Variants in HUWE1 observed in about 807,000 individuals in gnomAD.
HUWE1 encodes the protein HECT, UBA and WWE domain containing E3 ubiquitin protein ligase 1.
A neutral mutation model predicts 299.4 loss-of-function variants in HUWE1; 18 were observed. The ratio of observed to expected loss-of-function variants is 0.06; its 90% confidence interval spans 0.04 to 0.09. The LOEUF (loss-of-function observed/expected upper bound fraction) is 0.09, where lower values mean the gene tolerates loss of function less well. Ranked by LOEUF, HUWE1 falls within the 10% of genes least tolerant of loss-of-function variation. The pLI is 1.00. For synonymous variants in HUWE1, 1,317 were observed against 1,286.1 expected (o/e 1.02, Z -0.51); for missense variants, 1,832 against 3,462.3 (o/e 0.53, Z 11.82).
Position 53,538,328 on chromosome X carries a change from G to A in HUWE1, c.11996+9C>T, listed in dbSNP as rs782772316. The A allele has an allele frequency of 2.5e-5, 29 of 1,140,625 alleles. No individual in the cohort carries two copies. The highest frequency in any genetic ancestry group is 1.5e-4 in the Admixed American group (7 of 45,889). 94.0% of individuals were successfully genotyped at this position (1,140,625 alleles called of 1,213,427 possible). The stretch of plus-strand genomic sequence containing the variant: ...CACCCCTCTACCCCCCAATATCCAG[G>A]ACACATACTTGCGCTTGACATCAAA... On this transcript the variant is annotated intron_variant, in intron 77 of 83. Transcript: ENST00000262854.
chrX:53,664,542 T>C (rs2069156607), intron 3 of HUWE1, among the ~76,000 whole-genome samples: 1 of 111,913 alleles, frequency 8.9e-6, no homozygotes, highest in South Asian at 3.7e-4. Context: ...GTAAGAGATG[T>C]TGCACGTAAG....
At chrX:53,557,234 G>T (rs782819170) in intron 60 of HUWE1, 148 bp downstream of exon 60, 51 of 576,393 alleles carry the variant, frequency 8.8e-5, no homozygotes, top group Non-Finnish European at 1.6e-4. Context: ...CCAAGATGGG[G>T]TATGACCCTA....
At chrX:53,559,242 G>T in intron 57 of HUWE1, 112 bp downstream of exon 57, 1 of 902,178 alleles carries the variant, frequency 1.1e-6, no homozygotes, top group Non-Finnish European at 1.6e-6. Flanking sequence ...GAGTGGTTCT[G>T]GCTCCTATAA....
chrX:53,620,113 C>T (rs1448756870), intron 19 of HUWE1, among the ~76,000 whole-genome samples: 3 of 111,641 alleles, frequency 2.7e-5, no homozygotes, highest in African/African-American at 9.8e-5. Context: ...CAACTACTGC[C>T]AACACCACCA....
At chrX:53,601,522 CT>C (rs1246563224) in intron 28 of HUWE1, among the ~76,000 whole-genome samples, 2 of 110,069 alleles carry the variant, frequency 1.8e-5, no homozygotes, top group Non-Finnish European at 3.8e-5. Flanking sequence ...TCATTGCTTT[CT>C]TAATAGTTTA....
Position 53,543,849 on chromosome X carries a change from C to A in HUWE1, c.11371G>T (p.Ala3791Ser). 2 of 1,211,473 alleles carry A rather than the reference C, an allele frequency of 1.7e-6. No homozygotes were observed. Among genetic ancestry groups the A allele is most frequent in the Non-Finnish European group, 2.2e-6 (2 of 895,225 alleles). The change falls in exon 73 of 84, where the codon GCA becomes TCA. Residue 3791 changes from alanine to serine, a missense_variant. Coordinates refer to ENST00000262854, the MANE Select transcript of HUWE1 (RefSeq NM_031407.7). ...ACAGGCATCATGCTAACCGTTGCTG[C>A]TTGTTGCTGTCTCCGCGCCCTTTGA... is the stretch of plus-strand genomic sequence containing the variant. ...EGQRARRQQQ[A>S]ATSESSQSEA...
At chrX:53,564,953 C>T (rs2062456457) in intron 50 of HUWE1, 114 bp downstream of exon 50, 4 of 894,641 alleles carry the variant, frequency 4.5e-6, no homozygotes, top group Non-Finnish European at 6.5e-6. Flanking sequence ...TATGACAGAT[C>T]TCTGGAAGGC....
intron 3 of HUWE1, among the ~76,000 whole-genome samples, chrX:53,677,364 A>AG (rs1230828340): frequency 9.0e-6 from 1 of 110,556 alleles, no homozygotes; most frequent in Non-Finnish European, 1.9e-5. Flanking sequence ...AAATTTCTTC[A>AG]GAACTCTATA....
At chrX:53,653,954 T>G in intron 4 of HUWE1, 109 bp downstream of exon 4, 1 of 552,777 alleles carries the variant, frequency 1.8e-6, no homozygotes, top group Non-Finnish European at 3.0e-6. Flanking sequence ...TTTACTGCCT[T>G]TTGTATATAT....
At chrX:53,541,012 T>G (rs2061321636) in intron 74 of HUWE1, among the ~76,000 whole-genome samples, 1 of 111,436 alleles carries the variant, frequency 9.0e-6, no homozygotes, top group Non-Finnish European at 1.9e-5. Flanking sequence ...ATAATATCTA[T>G]CTCCCCAAAT....
chrX:53,667,671 TAAGA>T (rs782270769), intron 3 of HUWE1, among the ~76,000 whole-genome samples: 1 of 112,084 alleles, frequency 8.9e-6, no homozygotes, highest in East Asian at 2.8e-4. Flanking sequence ...ACGCCTGTAC[TAAGA>T]AATACAAGAA....
At chrX:53,594,294 A>G (rs1247494306) in intron 31 of HUWE1, among the ~76,000 whole-genome samples, 1 of 111,412 alleles carries the variant, frequency 9.0e-6, no homozygotes, top group Non-Finnish European at 1.9e-5. Context: ...TACAAACACA[A>G]CTCTAGGGGA....
rs782600403 is a variant in HUWE1 at position 53,630,927 on chromosome X, T to G, written c.862+8A>C. The G allele has an allele frequency of 3.0e-5, 32 of 1,050,515 alleles. 1 individual carries two copies. In the South Asian group the frequency reaches 5.4e-4, roughly 18 times the overall value. The allele number at this position is 1,050,515 out of a possible 1,213,427, so 86.6% of individuals were successfully genotyped here. ...TACGGCCTGGTAATTAAAGTATTCTTCTCTTACCTAATATAGATATTGCAT... is the reference window on the plus strand; with the variant it reads ...TACGGCCTGGTAATTAAAGTATTCTGCTCTTACCTAATATAGATATTGCAT... On this transcript the variant is annotated splice_region_variant and intron_variant, in intron 12 of 83. Transcript: ENST00000262854.
At chrX:53,593,926 G>A (rs2064303082) in intron 31 of HUWE1, among the ~76,000 whole-genome samples, 2 of 110,072 alleles carry the variant, frequency 1.8e-5, no homozygotes, top group South Asian at 7.9e-4. Context: ...GTGAAACCTC[G>A]TCTCTACTAA....
In HUWE1 at chrX:53,583,615, G is replaced by A; in HGVS notation, c.5463C>T (p.Thr1821=). 1 of 1,210,826 alleles carries A rather than the reference G, an allele frequency of 8.3e-7. No homozygotes were observed. The highest frequency in any genetic ancestry group is 1.1e-6 in the Non-Finnish European group (1 of 894,830). ...SGFNGFTPLV[T]LLLRHIIEDP... ...CCTCAATGATGTGTCTTAAGAGAAGGGTGACCAGGGGAGTAAACCCATTGA... is the reference window on the plus strand; with the variant it reads ...CCTCAATGATGTGTCTTAAGAGAAGAGTGACCAGGGGAGTAAACCCATTGA... The change falls in exon 42 of 84, where the codon ACC becomes ACT. Residue 1821 remains threonine (T), a synonymous_variant. Transcript: ENST00000262854.
chrX:53,578,872 C>A (rs2063402738), intron 43 of HUWE1, among the ~76,000 whole-genome samples: 1 of 79,632 alleles, frequency 1.3e-5, no homozygotes, highest in Non-Finnish European at 2.5e-5. Context: ...CAGCCCCCCG[C>A]CCGGCCAGCC....
intron 34 of HUWE1, 54 bp from the exon 35 acceptor site, chrX:53,590,553 C>G: frequency 1.1e-6 from 1 of 891,828 alleles, no homozygotes; most frequent in Non-Finnish European, 1.6e-6. Context: ...CAAAGAAACC[C>G]AACAAGACCA....
At chrX:53,638,094 C>G (rs1368822623) in intron 7 of HUWE1, among the ~76,000 whole-genome samples, 33 of 111,647 alleles carry the variant, frequency 3.0e-4, no homozygotes, top group Non-Finnish European at 1.1e-4. Context: ...ACAGGAAGAA[C>G]AGATATTATT....
At chrX:53,610,946 T>A (rs1458059926) in intron 23 of HUWE1, among the ~76,000 whole-genome samples, 2 of 110,746 alleles carry the variant, frequency 1.8e-5, no homozygotes, top group Non-Finnish European at 1.9e-5. Flanking sequence ...AACTGCTAAG[T>A]ATATTCATCC....
Sources: allele counts gnomAD v4.1 joint callset (sites outside exome capture counted in the v4.1 genomes callset), GRCh38; gene constraint gnomAD v4.1.1; transcripts MANE v1.5; gene names NCBI Gene and HGNC (gene_info 2026-07-23, HGNC 2026-07-21).